Variants in ZBBX observed in about 807,000 individuals in gnomAD.
ZBBX encodes zinc finger B-box domain containing, also known as zinc finger B-box domain-containing protein 1.
ZBBX carries 101 observed loss-of-function variants against 108.5 expected under a neutral mutation model. The observed-to-expected ratio is 0.93, with a 90% CI of 0.79 to 1.10. The LOEUF is 1.10. Among genes scored for constraint, ZBBX ranks in the 50% least tolerant of loss-of-function variants. The pLI, the probability that ZBBX is intolerant of heterozygous loss-of-function variation, is 0.00. For missense variants in ZBBX, 1,009 were observed against 941.4 expected (o/e 1.07, Z -0.94); for synonymous variants, 356 against 323.4 (o/e 1.10, Z -1.08).
At chr3:167,307,971 A>G (rs1403346168) in intron 16 of ZBBX, among the ~76,000 whole-genome samples, 1 of 152,220 alleles carries the variant, frequency 6.6e-6, no homozygotes, top group Non-Finnish European at 1.5e-5. Context: ...ATAGGATCCA[A>G]TTAAACTAAA....
chr3:167,233,668 T>G, the ZBBX span, among the ~76,000 whole-genome samples: 2 of 151,790 alleles, frequency 1.3e-5, no homozygotes, highest in African/African-American at 4.8e-5. Flanking sequence ...TGAGTGGGTA[T>G]CTCTACTTGA....
chr3:167,397,892 A>G (rs143253874), intron 1 of ZBBX, among the ~76,000 whole-genome samples: 80 of 151,934 alleles, frequency 5.3e-4, no homozygotes, highest in Admixed American at 2.3e-3. Flanking sequence ...GTTTGCTTGT[A>G]AAAATAAGTT....
intron 18 of ZBBX, among the ~76,000 whole-genome samples, chr3:167,292,638 G>T (rs1406245929): frequency 6.6e-6 from 1 of 152,114 alleles, no homozygotes. Context: ...ACAATTAAAA[G>T]AATTAGAAAA....
At chr3:167,252,520 ATCT>A (rs1312603874) in intron 20 of ZBBX, among the ~76,000 whole-genome samples, 1 of 151,648 alleles carries the variant, frequency 6.6e-6, no homozygotes, top group South Asian at 2.1e-4. Flanking sequence ...CTGATATGTC[ATCT>A]TCTTCCTTTC....
intron 20 of ZBBX, among the ~76,000 whole-genome samples, chr3:167,247,634 G>A (rs1318619431): frequency 2.6e-5 from 4 of 152,120 alleles, no homozygotes; most frequent in Non-Finnish European, 5.9e-5. Context: ...GGTTTCCAGA[G>A]CTGTAAACAT....
chr3:167,288,920 C>A lies in ZBBX; in HGVS notation c.1943G>T (p.Gly648Val), dbSNP rs941450756. The change falls in exon 19 of 22, where the codon GGT becomes GTT. Residue 648 changes from glycine to valine, a missense_variant. Physicochemically the swap from Gly to Val is moderately radical, Grantham distance 109 (BLOSUM62 -3). Coordinates refer to ENST00000675490, the MANE Select transcript of ZBBX (RefSeq NM_001199201.2). ...TGGACTCTGAGCACCCTGCAGAACACCCAAGACAATTGCATTATCAGCATA... is the reference window on the plus strand; with the variant it reads ...TGGACTCTGAGCACCCTGCAGAACAACCAAGACAATTGCATTATCAGCATA... ...SEYADNAIVL[G>V]VLQGAQSPSS... The A allele has an allele frequency of 2.3e-5, 36 of 1,544,328 alleles. No individual in the cohort carries two copies. The highest frequency in any genetic ancestry group is 3.2e-5 in the Non-Finnish European group (36 of 1,142,822).
upstream of ZBBX, among the ~76,000 whole-genome samples, chr3:167,382,076 A>G (rs995302191): frequency 2.0e-5 from 3 of 152,222 alleles, no homozygotes; most frequent in Non-Finnish European, 2.9e-5. Context: ...ACTCCAAAAA[A>G]TGATTCTTAC....
At chr3:167,188,204 G>A in the ZBBX span, among the ~76,000 whole-genome samples, 1 of 151,982 alleles carries the variant, frequency 6.6e-6, no homozygotes, top group Non-Finnish European at 1.5e-5. Flanking sequence ...TGGTGTTCAG[G>A]GAAGATTTTG....
intron 20 of ZBBX, among the ~76,000 whole-genome samples, chr3:167,281,068 C>G (rs1378409830): frequency 2.0e-5 from 3 of 151,966 alleles, no homozygotes; most frequent in Non-Finnish European, 4.4e-5. Flanking sequence ...AACACATGGA[C>G]ACAGGAAGGG....
intron 10 of ZBBX, 38 bp downstream of exon 10, chr3:167,333,789 T>G: frequency 6.7e-7 from 1 of 1,498,912 alleles, no homozygotes; most frequent in Non-Finnish European, 8.9e-7. Flanking sequence ...CATAGTTACA[T>G]ATGTCAGAAA....
At chr3:167,322,887 C>T (rs1169116260) in intron 11 of ZBBX, among the ~76,000 whole-genome samples, 2 of 151,918 alleles carry the variant, frequency 1.3e-5, no homozygotes, top group African/African-American at 4.8e-5. Flanking sequence ...GTAGGAGAAT[C>T]AAGGGAAATA....
intron 20 of ZBBX, among the ~76,000 whole-genome samples, chr3:167,267,150 C>T (rs1473301337): frequency 6.6e-6 from 1 of 152,218 alleles, no homozygotes; most frequent in African/African-American, 2.4e-5. Flanking sequence ...TCTGCGGTTC[C>T]ACGGTCACCT....
chr3:167,332,152 C>G (rs1034758147), intron 10 of ZBBX, among the ~76,000 whole-genome samples: 3 of 152,136 alleles, frequency 2.0e-5, no homozygotes, highest in Non-Finnish European at 4.4e-5. Flanking sequence ...TGGAGGAGCA[C>G]TGCTCTTTGG....
At chr3:167,361,310 T>C (rs1036716936) in intron 6 of ZBBX, among the ~76,000 whole-genome samples, 4 of 152,306 alleles carry the variant, frequency 2.6e-5, no homozygotes, top group Admixed American at 2.6e-4. Flanking sequence ...AAATAAATCA[T>C]CACTTAAAAT....
intron 11 of ZBBX, among the ~76,000 whole-genome samples, chr3:167,326,080 G>C (rs1737333199): frequency 6.6e-6 from 1 of 152,070 alleles, no homozygotes; most frequent in Non-Finnish European, 1.5e-5. Context: ...ATATGTAAGT[G>C]CACAAATAGC....
chr3:167,390,652 C>G (rs530111718), intron 1 of ZBBX, among the ~76,000 whole-genome samples: 2 of 151,886 alleles, frequency 1.3e-5, no homozygotes, highest in Non-Finnish European at 2.9e-5. Flanking sequence ...TTGTTGTGTC[C>G]TCTCTTATTT....
At chr3:167,370,008 GC>G (rs1745913019) in intron 4 of ZBBX, among the ~76,000 whole-genome samples, 1 of 152,166 alleles carries the variant, frequency 6.6e-6, no homozygotes, top group Non-Finnish European at 1.5e-5. Flanking sequence ...AGCCTTGTAA[GC>G]CATGATGAGA....
At chr3:167,254,662 C>A (rs1419540080) in intron 20 of ZBBX, among the ~76,000 whole-genome samples, 2 of 151,724 alleles carry the variant, frequency 1.3e-5, no homozygotes, top group Non-Finnish European at 2.9e-5. Context: ...CAGGAGAAAG[C>A]CTAATGGAAC....
the ZBBX span, among the ~76,000 whole-genome samples, chr3:167,181,950 G>A: frequency 6.6e-6 from 1 of 151,146 alleles, no homozygotes; most frequent in Non-Finnish European, 1.5e-5. Flanking sequence ...ACCAGCTGTG[G>A]TGGGGGGCAG....
Sources: gnomAD v4.1 joint callset for allele counts (sites outside exome capture counted in the v4.1 genomes callset) on GRCh38, gnomAD v4.1.1 for gene constraint, MANE v1.5 for transcripts, NCBI Gene and HGNC (gene_info 2026-07-23, HGNC 2026-07-21) for gene names.